Variants in PRKN observed in about 807,000 individuals in gnomAD.
The protein encoded by PRKN is parkin RBR E3 ubiquitin protein ligase.
Under a neutral mutation model 59.5 loss-of-function variants are expected in PRKN, and 56 were observed. That is an observed-to-expected ratio of 0.94 (90% confidence interval 0.76 to 1.18). The LOEUF (loss-of-function observed/expected upper bound fraction) is 1.18, where lower values mean the gene tolerates loss of function less well. PRKN is among the 50% of genes most tolerant of loss of function. The pLI is 0.00. For missense variants in PRKN, 657 were observed against 596.4 expected (o/e 1.10, Z -1.06); for synonymous variants, 250 against 222.1 (o/e 1.13, Z -1.12).
intron 7 of PRKN, among the ~76,000 whole-genome samples, chr6:161,671,477 T>C (rs1784908604): frequency 6.6e-6 from 1 of 152,182 alleles, no homozygotes; most frequent in Non-Finnish European, 1.5e-5. Flanking sequence ...GTATTCAACA[T>C]TTTAATGCTC....
In PRKN at chr6:161,460,782, G is replaced by A. The variant is rs1202280143; in HGVS notation, c.1084-73905C>T. ...TTTTTTTTTCTTCAGATGGAGTCTCGTTCTGTCGCCAGGCTGGAGTGCAGT... is the reference window on the plus strand; with the variant it reads ...TTTTTTTTTCTTCAGATGGAGTCTCATTCTGTCGCCAGGCTGGAGTGCAGT... On this transcript the variant is annotated intron_variant, in intron 9 of 11. Coordinates refer to ENST00000366898, the MANE Select transcript of PRKN (RefSeq NM_004562.3). The surrounding 1 kb of genome is among the most constrained non-coding windows in gnomAD (Gnocchi z 5.0). 2.7e-5 allele frequency among the ~76,000 whole-genome samples: 4 copies of A among 148,794 alleles called. No homozygotes were observed. Among genetic ancestry groups the A allele is most frequent in the East Asian group, 2.0e-4 (1 of 5,090 alleles).
At chr6:162,552,329 C>T (rs986501435) in intron 1 of PRKN, among the ~76,000 whole-genome samples, 2 of 152,032 alleles carry the variant, frequency 1.3e-5, no homozygotes, top group African/African-American at 2.4e-5. Context: ...GACCGATCTA[C>T]GTTTTAATAA....
chr6:162,181,675 G>A lies in PRKN; in HGVS notation c.534+19456C>T, dbSNP rs145648744. On this transcript the variant is annotated intron_variant, in intron 4 of 11. Transcript: ENST00000366898. ...AGAAACATGGGGAGAATCAGGGAAA[G>A]AAACTAAGAATCATAAGTAGGAATC... 3.4e-4 allele frequency among the ~76,000 whole-genome samples: 52 copies of A among 152,236 alleles called. No individual in the cohort carries two copies. In the East Asian group the frequency reaches 9.1e-3, roughly 27 times the overall value.
intron 2 of PRKN, among the ~76,000 whole-genome samples, chr6:162,312,639 A>C (rs1171386578): frequency 6.6e-6 from 1 of 152,186 alleles, no homozygotes; most frequent in Non-Finnish European, 1.5e-5. Context: ...ACATCGAAGC[A>C]AGCATCTCAT....
chr6:162,568,606 A>G (rs2128208043), intron 1 of PRKN: 4 of 888,348 alleles, frequency 4.5e-6, no homozygotes, highest in East Asian at 2.5e-5. Context: ...AGGACCCTCA[A>G]CAACAAGTTT....
At chr6:162,315,192 C>G (rs908067472) in intron 2 of PRKN, among the ~76,000 whole-genome samples, 3 of 152,122 alleles carry the variant, frequency 2.0e-5, no homozygotes, top group East Asian at 1.9e-4. Flanking sequence ...TGGTTTGCAT[C>G]TTATAGCCAT....
rs1339369176 is a variant in PRKN at position 161,578,168 on chromosome 6, CAA to C, written c.872-8754_872-8753del. On this transcript the variant is annotated intron_variant, in intron 7 of 11. Coordinates refer to ENST00000366898, the MANE Select transcript of PRKN (RefSeq NM_004562.3). This position sits in a 1 kb window ranked among gnomAD's most constrained non-coding sequence, Gnocchi z 4.2. ...AGAAAAAGAGGAGGTGGCTTGGAAT[CAA>C]AGAGGCCAAAGCCTGGAGTGTTTGA... 1.3e-5 allele frequency among the ~76,000 whole-genome samples: 2 copies of C among 152,054 alleles called. No individual in the cohort carries two copies. The highest frequency in any genetic ancestry group is 2.1e-4 in the South Asian group (1 of 4,822).
intron 7 of PRKN, among the ~76,000 whole-genome samples, chr6:161,773,829 G>T (rs1000187002): frequency 6.6e-6 from 1 of 151,984 alleles, no homozygotes; most frequent in African/African-American, 2.4e-5. Flanking sequence ...TGCAGAAAAA[G>T]AAGAAGAAGA....
intron 3 of PRKN, among the ~76,000 whole-genome samples, chr6:162,240,799 T>C (rs566806508): frequency 1.3e-5 from 2 of 152,196 alleles, no homozygotes; most frequent in African/African-American, 4.8e-5. Flanking sequence ...TACTTAAGAG[T>C]AGAGTTACCT....
intron 7 of PRKN, among the ~76,000 whole-genome samples, chr6:161,644,936 G>T (rs993148101): frequency 5.3e-5 from 8 of 152,192 alleles, no homozygotes; most frequent in African/African-American, 1.9e-4. Flanking sequence ...AACCAGACTG[G>T]AAGCAGAAGT....
At chr6:161,784,828 C>T (rs528490746) in intron 7 of PRKN, among the ~76,000 whole-genome samples, 2 of 152,260 alleles carry the variant, frequency 1.3e-5, no homozygotes, top group South Asian at 4.1e-4. Context: ...CGGCATTATT[C>T]ATAATAGCCA....
intron 1 of PRKN, among the ~76,000 whole-genome samples, chr6:162,483,482 G>C (rs1792394855): frequency 6.6e-6 from 1 of 151,860 alleles, no homozygotes; most frequent in Non-Finnish European, 1.5e-5. Context: ...CATCAGACTG[G>C]GATACAGATT....
intron 9 of PRKN, among the ~76,000 whole-genome samples, chr6:161,452,900 T>C (rs1789802668): frequency 1.3e-5 from 2 of 151,788 alleles, no homozygotes; most frequent in South Asian, 2.1e-4. Flanking sequence ...TATATATATA[T>C]AAAATACCTC....
chr6:161,915,543 A>G (rs1469999307), intron 6 of PRKN, among the ~76,000 whole-genome samples: 1 of 152,166 alleles, frequency 6.6e-6, no homozygotes, highest in East Asian at 1.9e-4. Context: ...TTTTGTGTCA[A>G]CCCTGTAAAT....
At chr6:162,238,072 T>A (rs7757872) in intron 3 of PRKN, among the ~76,000 whole-genome samples, 75,559 of 152,130 alleles carry the variant, frequency 0.5, 21,888 homozygotes, top group East Asian at 0.86. Context: ...ATAATTACAA[T>A]TGTACCAACT....
intron 6 of PRKN, among the ~76,000 whole-genome samples, chr6:161,953,410 C>T (rs1780058748): frequency 6.6e-6 from 1 of 151,996 alleles, no homozygotes; most frequent in Non-Finnish European, 1.5e-5. Flanking sequence ...GTGCCTGGCC[C>T]AAATTTATTT....
chr6:162,092,319 G>A (rs1460701802), intron 4 of PRKN, among the ~76,000 whole-genome samples: 3 of 152,036 alleles, frequency 2.0e-5, no homozygotes, highest in Non-Finnish European at 2.9e-5. Flanking sequence ...GCGTCATTGC[G>A]CTCCAGCGTG....
intron 7 of PRKN, among the ~76,000 whole-genome samples, chr6:161,724,442 TCA>T (rs1337987573): frequency 6.6e-6 from 1 of 152,216 alleles, no homozygotes; most frequent in African/African-American, 2.4e-5. Context: ...TGCTTCTCTC[TCA>T]GGGATGGTGC....
chr6:161,373,475 C>G lies in PRKN; in HGVS notation c.1168-13270G>C, dbSNP rs1306275596. ...AGAAGGTAAATGCAACCCTGGAGAA[C>G]AGCAGTGCTGAGCCTAAATGGGCTA... On this transcript the variant is annotated intron_variant, in intron 10 of 11. Coordinates refer to ENST00000366898, the MANE Select transcript of PRKN (RefSeq NM_004562.3). This position sits in a 1 kb window ranked among gnomAD's most constrained non-coding sequence, Gnocchi z 4.8. Among the ~76,000 whole-genome samples, 1 of 152,174 alleles carries G rather than the reference C, an allele frequency of 6.6e-6. No individual in the cohort carries two copies. The highest frequency in any genetic ancestry group is 1.5e-5 in the Non-Finnish European group (1 of 68,050).
Sources: allele counts gnomAD v4.1 joint callset (sites outside exome capture counted in the v4.1 genomes callset), GRCh38; gene constraint gnomAD v4.1.1; non-coding constraint Gnocchi (gnomAD v3.1); transcripts MANE v1.5; gene names NCBI Gene and HGNC (gene_info 2026-07-23, HGNC 2026-07-21).